Variants in FNDC7 observed in about 807,000 individuals in gnomAD.
The protein encoded by FNDC7 is fibronectin type III domain-containing protein 7.
FNDC7 carries 66 observed loss-of-function variants against 74.2 expected under a neutral mutation model. The observed-to-expected ratio is 0.89, with a 90% CI of 0.73 to 1.09. FNDC7 has a LOEUF of 1.09. FNDC7 is among the 50% of genes least tolerant of loss of function. The pLI, the probability that FNDC7 is intolerant of heterozygous loss-of-function variation, is 0.00. For missense variants in FNDC7, 829 were observed against 893.4 expected, an observed-to-expected ratio of 0.93 and a Z score of 0.92; for synonymous variants, 307 against 330.2, an observed-to-expected ratio of 0.93 and a Z score of 0.76.
chr1:108,734,132 T>A (rs952721822), intron 10 of FNDC7: 2 of 152,284 alleles, frequency 1.3e-5, no homozygotes, highest in African/African-American at 4.8e-5. Context: ...AATTTTCTGC[T>A]TTGAGATTTA....
intron 11 of FNDC7, among the ~76,000 whole-genome samples, chr1:108,739,295 G>A (rs1264203609): frequency 6.6e-6 from 1 of 152,094 alleles, no homozygotes; most frequent in Non-Finnish European, 1.5e-5. Flanking sequence ...CCTGGAGTTG[G>A]AGACCAGCCT....
intron 5 of FNDC7, among the ~76,000 whole-genome samples, chr1:108,723,144 A>G (rs989710717): frequency 6.6e-6 from 1 of 152,234 alleles, no homozygotes; most frequent in East Asian, 1.9e-4. Flanking sequence ...TAATGAAACT[A>G]ACACTTAATG....
At chr1:108,726,921 G>C (rs535693292) in intron 6 of FNDC7, among the ~76,000 whole-genome samples, 2 of 152,286 alleles carry the variant, frequency 1.3e-5, no homozygotes, top group East Asian at 3.9e-4. Context: ...GAGTGGCCTT[G>C]AACTGGATCT....
intron 2 of FNDC7, among the ~76,000 whole-genome samples, chr1:108,717,500 T>C (rs749870697): frequency 6.6e-6 from 1 of 152,212 alleles, no homozygotes; most frequent in African/African-American, 2.4e-5. Context: ...CATTCTTATT[T>C]AGCTCTTTTA....
Position 108,718,894 on chromosome 1 carries a change from G to A in FNDC7, c.443G>A (p.Arg148Gln), listed in dbSNP as rs758004311. 7.7e-6 allele frequency: 12 copies of A among 1,551,636 alleles called. No individual in the cohort carries two copies. The highest frequency in any genetic ancestry group is 2.7e-5 in the African/African-American group (2 of 73,030). ...MAIAFSVSIM[R>Q]ANGLGSIWKE... Reference sequence around the variant, plus strand: ...ATTGCATTCTCCGTGTCCATTATGCGAGCCAATGGCTTGGGGAGTATATGG... The same window carrying A: ...ATTGCATTCTCCGTGTCCATTATGCAAGCCAATGGCTTGGGGAGTATATGG... Residue 148 changes from arginine (R) to glutamine (Q), a missense_variant, in exon 4 of 13, where the codon CGA (arginine) becomes CAA (glutamine). By Grantham distance (43) the Arg-to-Gln change is conservative. Transcript: ENST00000370017.
intron 2 of FNDC7, among the ~76,000 whole-genome samples, chr1:108,714,605 A>T (rs370103001): frequency 3.6e-4 from 37 of 102,142 alleles, no homozygotes; most frequent in South Asian, 6.8e-4. Context: ...ACAAAGTGGC[A>T]TTTTTTTTTT....
At chr1:108,721,371 A>T (rs1661088651) in intron 4 of FNDC7, among the ~76,000 whole-genome samples, 1 of 152,184 alleles carries the variant, frequency 6.6e-6, no homozygotes, top group Non-Finnish European at 1.5e-5. Flanking sequence ...CAGGAGGCTG[A>T]GGCAGGAGAA....
intron 8 of FNDC7, 108 bp from the exon 9 acceptor site, chr1:108,730,566 T>A (rs1661319433): frequency 1.6e-6 from 2 of 1,229,628 alleles, no homozygotes; most frequent in Non-Finnish European, 2.2e-6. Context: ...AGTTGGGGAA[T>A]GTAGGATATT....
Position 108,737,543 on chromosome 1 carries a change from G to C in FNDC7, c.2170+19G>C. ...GGAATGGGTAAGTCATTTTTCTCAT[G>C]GATAAAATAGAACAGGATTTTTGTT... is the stretch of plus-strand genomic sequence containing the variant. On this transcript the variant is annotated intron_variant, in intron 11 of 12. Coordinates refer to ENST00000370017, the MANE Select transcript of FNDC7 (RefSeq NM_001144937.3). 6.3e-7 allele frequency: 1 copy of C among 1,582,364 alleles called. No individual in the cohort carries two copies. Among genetic ancestry groups the C allele is most frequent in the Non-Finnish European group, 8.6e-7 (1 of 1,168,008 alleles).
chr1:108,727,729 T>G (rs964747580), intron 6 of FNDC7, 79 bp from the exon 7 acceptor site: 1 of 1,543,270 alleles, frequency 6.5e-7, no homozygotes, highest in African/African-American at 1.4e-5. Flanking sequence ...GCTCTGGGCA[T>G]GGGAGGTCAG....
chr1:108,736,035 C>T (rs370115999), intron 10 of FNDC7, among the ~76,000 whole-genome samples: 55 of 152,082 alleles, frequency 3.6e-4, no homozygotes, highest in Middle Eastern at 3.4e-3. Flanking sequence ...CTTGAACTCC[C>T]GGGCTCAAGC....
At chr1:108,733,232 T>A in intron 9 of FNDC7, 40 bp from the exon 10 acceptor site, 1 of 1,594,000 alleles carries the variant, frequency 6.3e-7, no homozygotes, top group African/African-American at 1.3e-5. Context: ...GATGGTGGAA[T>A]AAAACAAGTG....
intron 9 of FNDC7, among the ~76,000 whole-genome samples, chr1:108,732,341 C>CAAAAAAA (rs67731443): frequency 1.9e-4 from 20 of 103,182 alleles, no homozygotes; most frequent in Admixed American, 3.2e-4. Context: ...GACTCCGTCT[C>CAAAAAAA]AAAAAAAAAA....
At chr1:108,731,050 AT>A in intron 9 of FNDC7, 122 bp downstream of exon 9, 1 of 1,162,412 alleles carries the variant, frequency 8.6e-7, no homozygotes, top group Non-Finnish European at 1.2e-6. Context: ...ATAAACTCAG[AT>A]TACTTTCTAA....
At chr1:108,718,124 C>A in intron 3 of FNDC7, 93 bp downstream of exon 3, 1 of 1,450,760 alleles carries the variant, frequency 6.9e-7, no homozygotes, top group South Asian at 1.3e-5. Context: ...GATTTGGTGT[C>A]ACATGAGTGC....
At position 108,729,028 on chromosome 1, in the gene FNDC7, T is replaced by C. The variant is rs1432441449; in HGVS notation, c.1624+142T>C. On this transcript the variant is annotated intron_variant, in intron 8 of 12. Transcript: ENST00000370017. ...GAGACGTTTCAAAGAGTCCCGGTCA[T>C]AGACAATAAAATTTTCAATATTTTA... The C allele has an allele frequency of 8.5e-6, 9 of 1,062,366 alleles. No individual in the cohort carries two copies. In the East Asian group the frequency reaches 1.3e-4, roughly 15 times the overall value. 65.8% of individuals were successfully genotyped at this position (1,062,366 alleles called of 1,614,324 possible). A position where few individuals can be genotyped will look rare whatever the true frequency, so the allele number is the denominator to read the frequency against.
intron 11 of FNDC7, 95 bp from the exon 12 acceptor site, chr1:108,741,678 A>C: frequency 3.9e-6 from 5 of 1,273,866 alleles, no homozygotes; most frequent in Non-Finnish European, 5.7e-6. Context: ...ATTTCAAATC[A>C]ACATACACAT....
At position 108,728,789 on chromosome 1, in the gene FNDC7, G is replaced by T; in HGVS notation, c.1527G>T (p.Met509Ile). ...GCAGCACAGGAGAGTCCTGCACCATGCGGGGCTTGCCCTGTGGCTCAGTGT... is the reference window on the plus strand; with the variant it reads ...GCAGCACAGGAGAGTCCTGCACCATTCGGGGCTTGCCCTGTGGCTCAGTGT... ...QCSSTGESCT[M>I]RGLPCGSVFS... The change falls in exon 8 of 13, where the codon ATG (methionine) becomes ATT (isoleucine). Residue 509 changes from methionine to isoleucine, a missense_variant. Transcript: ENST00000370017. 6.2e-7 allele frequency: 1 copy of T among 1,614,258 alleles called. No homozygotes were observed. The highest frequency in any genetic ancestry group is 1.1e-5 in the South Asian group (1 of 91,090).
At chr1:108,725,497 T>A (rs960270228) in intron 5 of FNDC7, among the ~76,000 whole-genome samples, 1 of 152,232 alleles carries the variant, frequency 6.6e-6, no homozygotes. Context: ...CAAACAATAT[T>A]TCATATAACA....
Sources: gnomAD v4.1 joint callset for allele counts (sites outside exome capture counted in the v4.1 genomes callset) on GRCh38, gnomAD v4.1.1 for gene constraint, MANE v1.5 for transcripts, NCBI Gene and HGNC (gene_info 2026-07-23, HGNC 2026-07-21) for gene names.